SEM1: variants seen among roughly 807,000 people sequenced by gnomAD.
SEM1 encodes 26S proteasome complex subunit SEM1.
A neutral mutation model predicts 12.7 loss-of-function variants in SEM1; 3 were observed. The ratio of observed to expected loss-of-function variants is 0.24; its 90% confidence interval spans 0.11 to 0.61. The LOEUF (loss-of-function observed/expected upper bound fraction) is 0.61. SEM1 is among the 20% of genes least tolerant of loss of function. The pLI, the probability that SEM1 is intolerant of heterozygous loss-of-function variation, is 0.88. For synonymous variants in SEM1, 30 were observed against 27.8 expected (o/e 1.08, Z -0.25); for missense variants, 59 against 81.3 (o/e 0.73, Z 1.06).
At chr7:96,688,621 C>A (rs1375736989), downstream of SEM1, 6 of 192,976 alleles carry the variant, frequency 3.1e-5, no homozygotes, top group East Asian at 6.5e-4. Flanking sequence ...ATCATTTAAC[C>A]TGAGCCTCAC....
Position 96,617,329 on chromosome 7 carries a change from T to C in SEM1, c.170+77469A>G, listed in dbSNP as rs558648640. Among the ~76,000 whole-genome samples the C allele has an allele frequency of 2.0e-5, 3 of 152,320 alleles. No homozygotes were observed. In the South Asian group the frequency reaches 6.2e-4, roughly 32 times the overall value. On this transcript the variant is annotated intron_variant and NMD_transcript_variant, in intron 2 of 3. Transcript: ENST00000466986. ...AGCTGTTATAAGTAGACTCACCTTC[T>C]TGATTTGGTTCTTAGCTAGATCATT...
intron 2 of SEM1, among the ~76,000 whole-genome samples, chr7:96,635,189 G>A (rs1407972791): frequency 6.6e-6 from 1 of 152,120 alleles, no homozygotes; most frequent in Non-Finnish European, 1.5e-5. Context: ...CCTAGTTATG[G>A]TCTAAAAGAA....
At chr7:96,667,897 A>G (rs10226065) in intron 2 of SEM1, among the ~76,000 whole-genome samples, 50,509 of 152,106 alleles carry the variant, frequency 0.33, 9,880 homozygotes, top group African/African-American at 0.55. Context: ...TGTAACACCA[A>G]TATCGTTCTT....
At chr7:96,583,222 G>A (rs1185052538) in intron 2 of SEM1, among the ~76,000 whole-genome samples, 6 of 148,660 alleles carry the variant, frequency 4.0e-5, no homozygotes, top group East Asian at 2.0e-4. Flanking sequence ...CCTTCATTTC[G>A]TTATGTATCC....
At chr7:96,673,710 A>AGC (rs1247976798) in exon 3 of SEM1, 1 of 762,378 alleles carries the variant, frequency 1.3e-6, no homozygotes. Context: ...TGTGCATCCC[A>AGC]GCTCTTTACA....
chr7:96,667,232 G>A (rs1053103573), intron 2 of SEM1, among the ~76,000 whole-genome samples: 1 of 152,092 alleles, frequency 6.6e-6, no homozygotes, highest in African/African-American at 2.4e-5. Flanking sequence ...CACTATTGTG[G>A]TTCTAAACTA....
intron 2 of SEM1, among the ~76,000 whole-genome samples, chr7:96,565,350 T>G (rs139895269): frequency 5.1e-4 from 78 of 151,956 alleles, no homozygotes; most frequent in African/African-American, 1.6e-3. Context: ...TACTTGTAGG[T>G]TGGAAGATTA....
At chr7:96,565,213 T>C (rs6964240) in intron 2 of SEM1, among the ~76,000 whole-genome samples, 145,615 of 151,942 alleles carry the variant, frequency 0.96, 69,988 homozygotes, top group Non-Finnish European at 0.99. Flanking sequence ...ATAAATTTGG[T>C]TTTTAAAAAA....
chr7:96,534,419 G>C (rs1200801798), intron 2 of SEM1, among the ~76,000 whole-genome samples: 1 of 152,054 alleles, frequency 6.6e-6, no homozygotes, highest in African/African-American at 2.4e-5. Flanking sequence ...ACTCAGTGAA[G>C]CAACATTTTC....
At chr7:96,646,486 C>G (rs1808797875) in intron 2 of SEM1, among the ~76,000 whole-genome samples, 1 of 152,036 alleles carries the variant, frequency 6.6e-6, no homozygotes, top group Non-Finnish European at 1.5e-5. Context: ...TTTAGTTATC[C>G]TATATATTGT....
rs182549310 is a variant in SEM1 at position 96,578,296 on chromosome 7, G to C, written c.171-71598C>G. ...AAATAAGATAAAGGAAAAAAAAAAA[G>C]ACATTTAGATACGCAATGAAACTGC... is the stretch of plus-strand genomic sequence containing the variant. On this transcript the variant is annotated intron_variant and NMD_transcript_variant, in intron 2 of 3. Transcript: ENST00000466986. Among the ~76,000 whole-genome samples the C allele has an allele frequency of 4.5e-4, 65 of 144,744 alleles. No individual in the cohort carries two copies. The East Asian group carries it at 0.013, about 29-fold the overall frequency. 95.0% of individuals were successfully genotyped at this position (144,744 alleles called of 152,430 possible). A position where few individuals can be genotyped will look rare whatever the true frequency, so the allele number is the denominator to read the frequency against.
chr7:96,589,555 A>T (rs1475116647), intron 2 of SEM1, among the ~76,000 whole-genome samples: 1 of 152,164 alleles, frequency 6.6e-6, no homozygotes, highest in African/African-American at 2.4e-5. Flanking sequence ...CTGCTGAGAC[A>T]TCCAACCCTC....
At chr7:96,557,840 C>T (rs539371896) in intron 2 of SEM1, among the ~76,000 whole-genome samples, 1 of 152,156 alleles carries the variant, frequency 6.6e-6, no homozygotes, top group Non-Finnish European at 1.5e-5. Context: ...AGCAATCAGC[C>T]AGGCTCCGTG....
chr7:96,682,698 T>C (rs10249583), intron 2 of SEM1, among the ~76,000 whole-genome samples: 26,099 of 151,988 alleles, frequency 0.17, 2,270 homozygotes, highest in South Asian at 0.21. Flanking sequence ...AAAGAGCTTC[T>C]GCACAGCAAA....
Position 96,590,249 on chromosome 7 carries a change from A to T in SEM1, c.171-83551T>A, listed in dbSNP as rs187052648. ...CTACTTAAATTTGAGTTTCAGATAA[A>T]CAAGAAATTTTTGTTAGTATAATTA... On this transcript the variant is annotated intron_variant and NMD_transcript_variant, in intron 2 of 3. Coordinates refer to the SEM1 transcript ENST00000466986. 3.3e-5 allele frequency among the ~76,000 whole-genome samples: 5 copies of T among 152,300 alleles called. No individual in the cohort carries two copies. The East Asian group carries it at 9.6e-4, about 29-fold the overall frequency.
chr7:96,574,753 C>T lies in SEM1; in HGVS notation c.171-68055G>A, dbSNP rs140725797. Among the ~76,000 whole-genome samples, 657 of 152,142 alleles carry T rather than the reference C, an allele frequency of 4.3e-3. 2 individuals carry two copies. The highest frequency in any genetic ancestry group is 0.02 in the Middle Eastern group (6 of 294). On this transcript the variant is annotated intron_variant and NMD_transcript_variant, in intron 2 of 3. Transcript: ENST00000466986. ...TATCCTTTGTTCCTCTTGATTGATC[C>T]AGCTATTGATATTTATGTATGCTTC...
chr7:96,535,091 A>G (rs1408431527), intron 2 of SEM1, among the ~76,000 whole-genome samples: 1 of 151,994 alleles, frequency 6.6e-6, no homozygotes, highest in Non-Finnish European at 1.5e-5. Flanking sequence ...CATAAGTTAG[A>G]CATTACTTCA....
At chr7:96,635,665 A>G (rs1188847744) in intron 2 of SEM1, among the ~76,000 whole-genome samples, 1 of 152,176 alleles carries the variant, frequency 6.6e-6, no homozygotes, top group Admixed American at 6.6e-5. Context: ...CCTAGCTTGA[A>G]AAGAGCAATC....
At chr7:96,681,143 T>C (rs1377857467) in intron 2 of SEM1, among the ~76,000 whole-genome samples, 1 of 152,126 alleles carries the variant, frequency 6.6e-6, no homozygotes. Flanking sequence ...TCAGAAGTGA[T>C]CAAAATATGA....
Sources: allele counts gnomAD v4.1 joint callset (sites outside exome capture counted in the v4.1 genomes callset), GRCh38; gene constraint gnomAD v4.1.1; transcripts MANE v1.5; gene names NCBI Gene and HGNC (gene_info 2026-07-23, HGNC 2026-07-21).